GSG1L: variants seen among roughly 807,000 people sequenced by gnomAD.
The protein encoded by GSG1L is GSG1 like.
GSG1L carries 24 observed loss-of-function variants against 42.1 expected under a neutral mutation model. The observed-to-expected ratio is 0.57, with a 90% CI of 0.41 to 0.80. The LOEUF (loss-of-function observed/expected upper bound fraction) is 0.80. GSG1L is among the 30% of genes least tolerant of loss of function. The pLI is 0.00. For missense variants in GSG1L, 445 were observed against 472.2 expected, an observed-to-expected ratio of 0.94 and a Z score of 0.53; for synonymous variants, 215 against 203.5, an observed-to-expected ratio of 1.06 and a Z score of -0.48.
At chr16:27,868,594 TAA>T (rs35102160) in intron 3 of GSG1L, among the ~76,000 whole-genome samples, 11 of 145,412 alleles carry the variant, frequency 7.6e-5, no homozygotes, top group Admixed American at 4.1e-4. Context: ...GCAAGAGCTG[TAA>T]AAAAAAAAAA....
At chr16:27,802,433 TC>T (rs1242168740) in intron 6 of GSG1L, among the ~76,000 whole-genome samples, 1 of 152,042 alleles carries the variant, frequency 6.6e-6, no homozygotes, top group Non-Finnish European at 1.5e-5. Context: ...TCCCAGCAAC[TC>T]CGCTATCCCC....
chr16:28,013,801 G>A (rs986649273), intron 1 of GSG1L, among the ~76,000 whole-genome samples: 3 of 152,220 alleles, frequency 2.0e-5, no homozygotes, highest in African/African-American at 7.2e-5. Context: ...CAGACACCCA[G>A]GCCTCCCAGA....
At position 28,040,147 on chromosome 16, in the gene GSG1L, C is replaced by T. The variant is rs530205106; in HGVS notation, c.349+22929G>A. Among the ~76,000 whole-genome samples the T allele has an allele frequency of 2.0e-5, 3 of 152,326 alleles. No homozygotes were observed. The highest frequency in any genetic ancestry group is 4.4e-5 in the Non-Finnish European group (3 of 68,022). ...CCATCACCATGGCCCTAGCTGCCAT[C>T]GTCTCCTTCATGGACCGCTGCAGTC... On this transcript the variant is annotated intron_variant, in intron 1 of 6. Coordinates refer to ENST00000447459, the MANE Select transcript of GSG1L (RefSeq NM_001109763.2). The surrounding 1 kb of genome is among the most constrained non-coding windows in gnomAD (Gnocchi z 4.1).
In GSG1L at chr16:27,799,080, T is replaced by C. The variant is rs147711661; in HGVS notation, c.899-7613A>G. On this transcript the variant is annotated intron_variant, in intron 6 of 6. Transcript: ENST00000447459. ...AACAAGGTCCCTGTGCTGGTGACAT[T>C]TCCATTTCACTGAGGAGAGGCTGGA... 5.0e-4 allele frequency among the ~76,000 whole-genome samples: 76 copies of C among 152,194 alleles called. No individual in the cohort carries two copies. In the East Asian group the frequency reaches 0.013, roughly 25 times the overall value.
At chr16:27,800,049 A>G (rs1200718414) in intron 6 of GSG1L, among the ~76,000 whole-genome samples, 1 of 152,072 alleles carries the variant, frequency 6.6e-6, no homozygotes, top group Non-Finnish European at 1.5e-5. Flanking sequence ...CCATCCTTTA[A>G]CGAGCTCTCC....
intron 3 of GSG1L, among the ~76,000 whole-genome samples, chr16:27,876,784 G>A (rs1323454505): frequency 1.3e-5 from 2 of 152,122 alleles, no homozygotes; most frequent in Non-Finnish European, 2.9e-5. Context: ...TCTTCAACTC[G>A]GTCCACACTC....
intron 1 of GSG1L, among the ~76,000 whole-genome samples, chr16:28,035,952 C>G (rs535107114): frequency 6.6e-6 from 1 of 152,288 alleles, no homozygotes. Context: ...CCCTTCTGAC[C>G]GAAAGCTGAG....
intron 5 of GSG1L, among the ~76,000 whole-genome samples, chr16:27,810,695 C>T (rs1380079851): frequency 6.8e-6 from 1 of 146,044 alleles, no homozygotes; most frequent in African/African-American, 2.5e-5. Context: ...TTAAGTTTTT[C>T]TTTTTTTTTT....
chr16:27,929,572 A>G (rs1287810408), intron 2 of GSG1L, among the ~76,000 whole-genome samples: 2 of 152,230 alleles, frequency 1.3e-5, no homozygotes, highest in African/African-American at 2.4e-5. Flanking sequence ...TCAAAAGGTG[A>G]AAAGAGACAG....
chr16:27,797,122 T>C (rs1159248636), intron 6 of GSG1L, among the ~76,000 whole-genome samples: 1 of 152,196 alleles, frequency 6.6e-6, no homozygotes. Flanking sequence ...ATAAATTAAG[T>C]CATTGTTTCA....
chr16:27,891,090 C>G (rs12925684), intron 2 of GSG1L, among the ~76,000 whole-genome samples: 9,965 of 152,188 alleles, frequency 0.065, 425 homozygotes, highest in Admixed American at 0.11. Flanking sequence ...GGGACGTACA[C>G]CAACCTGCCC....
intron 5 of GSG1L, among the ~76,000 whole-genome samples, chr16:27,827,004 G>T (rs186156142): frequency 5.6e-4 from 85 of 152,298 alleles, no homozygotes; most frequent in Admixed American, 4.8e-3. Flanking sequence ...CTAGGAAAGA[G>T]CCACGCAGAC....
intron 3 of GSG1L, among the ~76,000 whole-genome samples, chr16:27,876,766 G>C (rs746999328): frequency 4.6e-5 from 7 of 152,176 alleles, no homozygotes; most frequent in Non-Finnish European, 1.0e-4. Context: ...GGCCATAGGG[G>C]AGTGTGCTCT....
Position 27,912,858 on chromosome 16 carries a change from G to A in GSG1L, c.398-28220C>T, listed in dbSNP as rs554735499. Among the ~76,000 whole-genome samples, 6 of 152,336 alleles carry A rather than the reference G, an allele frequency of 3.9e-5. No homozygotes were observed. The South Asian group carries it at 6.2e-4, about 16-fold the overall frequency. On this transcript the variant is annotated intron_variant, in intron 2 of 6. Coordinates refer to ENST00000447459, the MANE Select transcript of GSG1L (RefSeq NM_001109763.2). ...AACTGGAAACAACTAAATGGTTATC[G>A]ACAGTAGAATGGATAAATAAATTGT...
chr16:27,909,289 G>C (rs980050122), intron 2 of GSG1L, among the ~76,000 whole-genome samples: 1 of 151,914 alleles, frequency 6.6e-6, no homozygotes, highest in African/African-American at 2.4e-5. Flanking sequence ...TCTGCCTTTG[G>C]ACTAGGCCAG....
At chr16:28,033,247 G>A (rs1236090759) in intron 1 of GSG1L, among the ~76,000 whole-genome samples, 2 of 152,168 alleles carry the variant, frequency 1.3e-5, no homozygotes, top group Admixed American at 1.3e-4. Context: ...CACCTCCTTG[G>A]AGAAGCCTTC....
chr16:28,025,328 C>T lies in GSG1L; in HGVS notation c.349+37748G>A, dbSNP rs532258511. 8.5e-5 allele frequency among the ~76,000 whole-genome samples: 13 copies of T among 152,276 alleles called. No homozygotes were observed. In the South Asian group the frequency reaches 2.7e-3, roughly 32 times the overall value. On this transcript the variant is annotated intron_variant, in intron 1 of 6. Coordinates refer to ENST00000447459, the MANE Select transcript of GSG1L (RefSeq NM_001109763.2). Reference sequence around the variant, plus strand: ...GGAGGCTCGGGGAGCCTTAAATCTCCCCAGATGGCAACTCTGGGCAGGGGC... The same window carrying T: ...GGAGGCTCGGGGAGCCTTAAATCTCTCCAGATGGCAACTCTGGGCAGGGGC...
At chr16:27,974,024 T>C (rs929873803) in intron 1 of GSG1L, among the ~76,000 whole-genome samples, 7 of 152,064 alleles carry the variant, frequency 4.6e-5, no homozygotes, top group African/African-American at 1.7e-4. Context: ...CCCCTCCCCA[T>C]CTGATTCCCT....
At chr16:27,914,752 A>T (rs2084432327) in intron 2 of GSG1L, among the ~76,000 whole-genome samples, 1 of 152,084 alleles carries the variant, frequency 6.6e-6, no homozygotes, top group Non-Finnish European at 1.5e-5. Context: ...TGCATTCCCG[A>T]TGCTAGAGCT....
Sources: gnomAD v4.1 joint callset for allele counts (sites outside exome capture counted in the v4.1 genomes callset) on GRCh38, gnomAD v4.1.1 for gene constraint, Gnocchi (gnomAD v3.1) non-coding constraint, MANE v1.5 for transcripts, NCBI Gene and HGNC (gene_info 2026-07-23, HGNC 2026-07-21) for gene names.